Variants in GNE observed in about 807,000 individuals in gnomAD.
GNE encodes the protein bifunctional UDP-N-acetylglucosamine 2-epimerase/N-acetylmannosamine kinase.
A neutral mutation model predicts 61.8 loss-of-function variants in GNE; 41 were observed. The observed-to-expected ratio is 0.66, with a 90% CI of 0.52 to 0.86. The LOEUF is 0.86. Among genes scored for constraint, GNE ranks in the 40% least tolerant of loss-of-function variants. The probability of loss-of-function intolerance (pLI) is 0.00; values close to 1 mark genes in which losing one functional copy is unlikely to be tolerated. For missense variants in GNE, 608 were observed against 909.1 expected, an observed-to-expected ratio of 0.67 and a Z score of 4.26; for synonymous variants, 264 against 326.4, an observed-to-expected ratio of 0.81 and a Z score of 2.06.
intron 1 of GNE, among the ~76,000 whole-genome samples, chr9:36,267,210 T>G (rs1178216964): frequency 6.6e-6 from 1 of 152,206 alleles, no homozygotes; most frequent in Non-Finnish European, 1.5e-5. Flanking sequence ...TTTTTGAAAT[T>G]TATATTTCAG....
At chr9:36,274,293 G>A (rs907823529) in intron 1 of GNE, among the ~76,000 whole-genome samples, 1 of 151,786 alleles carries the variant, frequency 6.6e-6, no homozygotes, top group Non-Finnish European at 1.5e-5. Flanking sequence ...CTAGGGTCTC[G>A]CTATGTTGCC....
At chr9:36,242,312 T>C (rs28667453) in intron 3 of GNE, among the ~76,000 whole-genome samples, 17,117 of 151,616 alleles carry the variant, frequency 0.11, 1,358 homozygotes, top group African/African-American at 0.21. Flanking sequence ...CAATTTTAGC[T>C]GTTCTGTTGT....
chr9:36,228,807 A>G (rs1829011609), intron 6 of GNE, among the ~76,000 whole-genome samples: 1 of 151,400 alleles, frequency 6.6e-6, no homozygotes, highest in Non-Finnish European at 1.5e-5. Context: ...AAAAAAAAAA[A>G]AAAAAAGAAA....
chr9:36,271,889 C>T (rs951605071), intron 1 of GNE, among the ~76,000 whole-genome samples: 1 of 152,052 alleles, frequency 6.6e-6, no homozygotes, highest in Non-Finnish European at 1.5e-5. Flanking sequence ...CTCATAGTTC[C>T]TTGAATCATA....
At chr9:36,276,506 A>G (rs1248706131) in intron 1 of GNE, among the ~76,000 whole-genome samples, 1 of 152,228 alleles carries the variant, frequency 6.6e-6, no homozygotes, top group African/African-American at 2.4e-5. Context: ...GCAGCTCTAC[A>G]TGCCATGTTT....
In GNE at chr9:36,246,184, G is replaced by A; in HGVS notation, c.463C>T (p.His155Tyr). Reference sequence around the variant, plus strand: ...CTGCGGGTGCAGCACACATGATAATGAGCCAGTTTTGTTATGGCATGTCTG... The same window carrying A: ...CTGCGGGTGCAGCACACATGATAATAAGCCAGTTTTGTTATGGCATGTCTG... ...SIRHAITKLA[H>Y]YHVCCTRSAE... is the part of the protein sequence containing the mutation. The change falls in exon 3 of 12, where the codon CAT (histidine) becomes TAT (tyrosine). Residue 155 changes from histidine to tyrosine, a missense_variant. Physicochemically the swap from His to Tyr is moderately conservative, Grantham distance 83. Transcript: ENST00000642385. The A allele has an allele frequency of 6.2e-7, 1 of 1,614,212 alleles. No individual in the cohort carries two copies. The highest frequency in any genetic ancestry group is 8.5e-7 in the Non-Finnish European group (1 of 1,180,024).
rs991527490 is a variant in GNE, at chr9:36,217,022, G to T, written c.*343C>A. On this transcript the variant is annotated 3_prime_UTR_variant, in exon 12 of 12. Transcript: ENST00000642385. ...AGGATGAAGTGATATCCCAGGCAAG[G>T]CCTGAAGGTCTCAGTGGTATTAATA... 5.6e-6 allele frequency: 2 copies of T among 357,832 alleles called. No individual in the cohort carries two copies. Among genetic ancestry groups the T allele is most frequent in the Non-Finnish European group, 1.1e-5 (2 of 185,928 alleles). 22.2% of individuals were successfully genotyped at this position (357,832 alleles called of 1,614,324 possible). A position where few individuals can be genotyped will look rare whatever the true frequency, so the allele number is the denominator to read the frequency against.
intron 1 of GNE, among the ~76,000 whole-genome samples, chr9:36,266,463 C>T (rs1487823681): frequency 2.6e-5 from 4 of 152,210 alleles, no homozygotes; most frequent in Non-Finnish European, 4.4e-5. Context: ...CCAGGAAAAG[C>T]ATGTAAGGAT....
rs771533580 is a variant in GNE, at chr9:36,227,489, A to G, written c.1071-31T>C. ...ATATACAAAAAGTCAATTAAATTATATGCTTCTGCCATACATGTTAAGTGG... is the reference window on the plus strand; with the variant it reads ...ATATACAAAAAGTCAATTAAATTATGTGCTTCTGCCATACATGTTAAGTGG... On this transcript the variant is annotated intron_variant, in intron 6 of 11. Transcript: ENST00000642385. 8.3e-6 allele frequency: 11 copies of G among 1,331,712 alleles called. No individual in the cohort carries two copies. In the East Asian group the frequency reaches 2.5e-4, roughly 31 times the overall value. 82.5% of individuals were successfully genotyped at this position (1,331,712 alleles called of 1,614,324 possible).
chr9:36,271,962 G>T (rs1016636985), intron 1 of GNE, among the ~76,000 whole-genome samples: 2 of 152,140 alleles, frequency 1.3e-5, no homozygotes, highest in Non-Finnish European at 2.9e-5. Context: ...TTCTACCAAA[G>T]ATTCCTAGCC....
At chr9:36,228,793 CAAAA>C (rs71336431) in intron 6 of GNE, among the ~76,000 whole-genome samples, 1 of 72,574 alleles carries the variant, frequency 1.4e-5, no homozygotes, top group African/African-American at 5.0e-5. Flanking sequence ...GAGTCCATCT[CAAAA>C]AAAAAAAAAA....
intron 1 of GNE, among the ~76,000 whole-genome samples, chr9:36,272,068 A>T (rs979262930): frequency 6.6e-5 from 10 of 152,164 alleles, no homozygotes; most frequent in Non-Finnish European, 1.3e-4. Flanking sequence ...TCGTAGTAAC[A>T]CAACACTCTT....
chr9:36,233,327 A>G (rs1829252525), intron 5 of GNE, among the ~76,000 whole-genome samples: 1 of 152,218 alleles, frequency 6.6e-6, no homozygotes, highest in Admixed American at 6.5e-5. Flanking sequence ...TTCATGAAAC[A>G]TTCAACCACA....
intron 3 of GNE, among the ~76,000 whole-genome samples, chr9:36,241,863 C>T (rs1039873626): frequency 2.6e-5 from 4 of 152,032 alleles, no homozygotes; most frequent in South Asian, 2.1e-4. Flanking sequence ...AGGCCAGGTG[C>T]GGTAGCTCAT....
At chr9:36,276,755 A>G (rs1831275389) in intron 1 of GNE, 1 of 681,936 alleles carries the variant, frequency 1.5e-6, no homozygotes, top group South Asian at 1.9e-5. Flanking sequence ...GTTAGCAGTA[A>G]AAAAGTCTTT....
intron 3 of GNE, among the ~76,000 whole-genome samples, chr9:36,243,446 A>G (rs1380204444): frequency 6.6e-6 from 1 of 152,220 alleles, no homozygotes; most frequent in Non-Finnish European, 1.5e-5. Flanking sequence ...AGAGTGTTTC[A>G]TCGGAAGCAT....
intron 3 of GNE, among the ~76,000 whole-genome samples, chr9:36,245,041 G>A (rs995162063): frequency 1.3e-5 from 2 of 151,228 alleles, no homozygotes; most frequent in Non-Finnish European, 2.9e-5. Flanking sequence ...ACTTTGGGAG[G>A]CTGAGGTGGG....
rs1828202658 is a variant in GNE at position 36,214,947 on chromosome 9, T to G, written c.*2418A>C. ...TTATTTGAACACTGAAACAATATGT[T>G]GTAGAAACCTTCATTTTCCCAAAAT... On this transcript the variant is annotated 3_prime_UTR_variant, in exon 12 of 12. Transcript: ENST00000642385. 6.6e-6 allele frequency: 1 copy of G among 152,222 alleles called. No individual in the cohort carries two copies. Among genetic ancestry groups the G allele is most frequent in the South Asian group, 2.1e-4 (1 of 4,824 alleles). The allele number at this position is 152,222 out of a possible 1,614,324, so 9.4% of individuals were successfully genotyped here. A position where few individuals can be genotyped will look rare whatever the true frequency, so the allele number is the denominator to read the frequency against.
At chr9:36,228,665 G>A (rs1315926303) in intron 6 of GNE, among the ~76,000 whole-genome samples, 5 of 151,272 alleles carry the variant, frequency 3.3e-5, no homozygotes, top group Middle Eastern at 3.5e-3. Context: ...GTGGTGGTGC[G>A]CACCTGTAAT....
Sources: gnomAD v4.1 joint callset for allele counts (sites outside exome capture counted in the v4.1 genomes callset) on GRCh38, gnomAD v4.1.1 for gene constraint, MANE v1.5 for transcripts, NCBI Gene and HGNC (gene_info 2026-07-23, HGNC 2026-07-21) for gene names.